The following FAM120C variants were observed in gnomAD, a reference collection of about 807,000 sequenced individuals.
The protein encoded by FAM120C is family with sequence similarity 120 member C.
In FAM120C, 14 loss-of-function variants were observed where a neutral mutation model predicts 71.2. The ratio of observed to expected loss-of-function variants is 0.20; its 90% CI spans 0.13 to 0.31. FAM120C has a LOEUF of 0.31. FAM120C is among the 10% of genes least tolerant of loss of function. FAM120C has a pLI of 1.00. For synonymous variants in FAM120C, 354 were observed against 353.2 expected (o/e 1.00, Z -0.03); for missense variants, 500 against 879.0 (o/e 0.57, Z 5.45).
At chrX:54,107,381 G>C (rs2066912501) in intron 10 of FAM120C, among the ~76,000 whole-genome samples, 1 of 110,123 alleles carries the variant, frequency 9.1e-6, no homozygotes, top group South Asian at 3.9e-4. Context: ...ATGGGCATGA[G>C]GCACCGCACC....
chrX:54,163,251 C>G lies in FAM120C; in HGVS notation c.700-3635G>C, dbSNP rs782601099. On this transcript the variant is annotated intron_variant, in intron 1 of 15. Transcript: ENST00000375180. ...TTCACAGCAGGCTTACTCATAATAGCCCAAAAGTGGAAATAACCCAAATGT... is the reference window on the plus strand; with the variant it reads ...TTCACAGCAGGCTTACTCATAATAGGCCAAAAGTGGAAATAACCCAAATGT... Among the ~76,000 whole-genome samples the G allele has an allele frequency of 5.0e-3, 561 of 111,840 alleles. 2 individuals are homozygous for G. Among genetic ancestry groups the G allele is most frequent in the African/African-American group, 0.017 (529 of 30,792 alleles).
intron 10 of FAM120C, among the ~76,000 whole-genome samples, chrX:54,097,828 G>A (rs190140655): frequency 0.013 from 1,472 of 110,135 alleles, 24 homozygotes; most frequent in African/African-American, 0.044. Context: ...CCAGGTTCAC[G>A]CCATTCTCCT....
At chrX:54,117,381 A>G (rs1466504325) in intron 9 of FAM120C, among the ~76,000 whole-genome samples, 3 of 100,565 alleles carry the variant, frequency 3.0e-5, no homozygotes, top group African/African-American at 7.3e-5. Context: ...AAATAAAATA[A>G]AATAAAATAA....
intron 9 of FAM120C, 42 bp from the exon 10 acceptor site, chrX:54,116,836 T>G: frequency 8.5e-7 from 1 of 1,182,979 alleles, no homozygotes. Context: ...CTAGAGAATC[T>G]CTCAGCATTT....
At chrX:54,151,179 A>G in intron 4 of FAM120C, 66 bp downstream of exon 4, 1 of 1,149,709 alleles carries the variant, frequency 8.7e-7, no homozygotes, top group East Asian at 3.0e-5. Flanking sequence ...AAGATCAGGG[A>G]CCTGCTGGTG....
chrX:54,169,941 CCA>C, intron 1 of FAM120C, among the ~76,000 whole-genome samples: 1 of 111,466 alleles, frequency 9.0e-6, no homozygotes, highest in South Asian at 3.8e-4. Flanking sequence ...CAATTAGGAA[CCA>C]CAGTTACTTC....
At chrX:54,081,774 GAAA>G (rs782044757) in intron 13 of FAM120C, among the ~76,000 whole-genome samples, 3 of 61,456 alleles carry the variant, frequency 4.9e-5, no homozygotes, top group Non-Finnish European at 6.2e-5. Flanking sequence ...ATTCTGTCTT[GAAA>G]AAAAAAAAAA....
chrX:54,117,438 C>T (rs1274876797), intron 9 of FAM120C, among the ~76,000 whole-genome samples: 3 of 102,280 alleles, frequency 2.9e-5, no homozygotes, highest in Non-Finnish European at 3.9e-5. Flanking sequence ...GTGGCTCACA[C>T]CTGTAATCCC....
chrX:54,109,851 C>T (rs1321438399), intron 10 of FAM120C, among the ~76,000 whole-genome samples: 6 of 106,839 alleles, frequency 5.6e-5, no homozygotes, highest in African/African-American at 1.7e-4. Context: ...TAAGAAAGGT[C>T]GGGGAAAGAA....
intron 13 of FAM120C, 31 bp downstream of exon 13, chrX:54,085,684 G>A: frequency 2.6e-6 from 3 of 1,152,753 alleles, no homozygotes; most frequent in Non-Finnish European, 3.6e-6. Flanking sequence ...ATAAATTGAG[G>A]ATGGTAAATA....
chrX:54,159,687 G>C (rs1603363398), intron 1 of FAM120C, 71 bp from the exon 2 acceptor site: 1 of 1,084,326 alleles, frequency 9.2e-7, no homozygotes, highest in East Asian at 3.1e-5. Flanking sequence ...AGGAGGTTTA[G>C]CAACTAAATT....
chrX:54,100,277 G>C (rs185139168), intron 10 of FAM120C, among the ~76,000 whole-genome samples: 15 of 111,380 alleles, frequency 1.3e-4, no homozygotes, highest in Admixed American at 3.9e-4. Flanking sequence ...AGATCATGAG[G>C]TCAGGAGACG....
chrX:54,090,236 C>G (rs1452442016), intron 11 of FAM120C, among the ~76,000 whole-genome samples: 5 of 2,325 alleles, frequency 2.2e-3, no homozygotes, highest in Non-Finnish European at 4.2e-3. Flanking sequence ...GCACCTTGCC[C>G]TTCTTTTTTT....
At position 54,080,185 on chromosome X, in the gene FAM120C, C is replaced by T. The variant is rs2879887; in HGVS notation, c.3036+47G>A. On this transcript the variant is annotated intron_variant, in intron 15 of 15. Transcript: ENST00000375180. ...ATCTCTTTTAGTTTAGCTGAAAAGGCAAAAGGCATCAAACAGAAGCTAAAT... is the reference window on the plus strand; with the variant it reads ...ATCTCTTTTAGTTTAGCTGAAAAGGTAAAAGGCATCAAACAGAAGCTAAAT... 6.0e-3 allele frequency: 6,441 copies of T among 1,069,609 alleles called. 230 individuals are homozygous for T. The African/African-American group carries it at 0.1, about 17-fold the overall frequency. 88.1% of individuals were successfully genotyped at this position (1,069,609 alleles called of 1,213,427 possible).
intron 9 of FAM120C, among the ~76,000 whole-genome samples, chrX:54,126,124 T>C (rs782681353): frequency 1.9e-3 from 210 of 112,089 alleles, no homozygotes; most frequent in African/African-American, 6.3e-3. Context: ...TTGTGATTTT[T>C]CTACACAGAC....
intron 13 of FAM120C, among the ~76,000 whole-genome samples, chrX:54,084,433 A>G (rs1359814683): frequency 2.7e-5 from 3 of 112,001 alleles, no homozygotes. Flanking sequence ...ATTACTTTTA[A>G]AGGGAGGAGC....
At chrX:54,111,916 G>T (rs1421718222) in intron 10 of FAM120C, among the ~76,000 whole-genome samples, 1 of 112,254 alleles carries the variant, frequency 8.9e-6, no homozygotes, top group Non-Finnish European at 1.9e-5. Flanking sequence ...AGAGAGCATG[G>T]TAGTGGCATA....
rs782303855 is a variant in FAM120C, at chrX:54,105,806, C to A, written c.2312+10739G>T. On this transcript the variant is annotated intron_variant, in intron 10 of 15. Transcript: ENST00000375180. ...CAAATCATGAGTGAACTCCCATTCA[C>A]AACTGCTACAAAGAGAATAAAATAC... is the stretch of plus-strand genomic sequence containing the variant. 3.6e-5 allele frequency among the ~76,000 whole-genome samples: 4 copies of A among 111,664 alleles called. No homozygotes were observed. The East Asian group carries it at 8.5e-4, about 24-fold the overall frequency.
At chrX:54,109,609 T>C (rs1315559394) in intron 10 of FAM120C, among the ~76,000 whole-genome samples, 6 of 92,560 alleles carry the variant, frequency 6.5e-5, no homozygotes, top group African/African-American at 2.4e-4. Flanking sequence ...AGCAAGACCC[T>C]GGCTATAAAA....
Sources: gnomAD v4.1 joint callset for allele counts (sites outside exome capture counted in the v4.1 genomes callset) on GRCh38, gnomAD v4.1.1 for gene constraint, MANE v1.5 for transcripts, NCBI Gene and HGNC (gene_info 2026-07-23, HGNC 2026-07-21) for gene names.